Variants in TBL1XR1 observed in about 807,000 individuals in gnomAD.
TBL1XR1 encodes the protein F-box-like/WD repeat-containing protein TBL1XR1.
TBL1XR1 carries 5 observed loss-of-function variants against 66.9 expected under a neutral mutation model. The observed-to-expected ratio is 0.07, with a 90% CI of 0.04 to 0.16. The LOEUF is 0.16. Among genes scored for constraint, TBL1XR1 ranks in the 10% least tolerant of loss-of-function variants. The probability of loss-of-function intolerance (pLI) is 1.00; values close to 1 mark genes in which losing one functional copy is unlikely to be tolerated. For missense variants in TBL1XR1, 238 were observed against 623.2 expected, an observed-to-expected ratio of 0.38 and a Z score of 6.58; for synonymous variants, 210 against 206.0, an observed-to-expected ratio of 1.02 and a Z score of -0.17.
intron 1 of TBL1XR1, among the ~76,000 whole-genome samples, chr3:177,151,718 A>G (rs1369482912): frequency 6.6e-6 from 1 of 152,166 alleles, no homozygotes; most frequent in Non-Finnish European, 1.5e-5. Flanking sequence ...ATATCAGACT[A>G]ATTTTTCATC....
chr3:177,176,209 T>G (rs958881543), intron 1 of TBL1XR1, among the ~76,000 whole-genome samples: 17 of 152,042 alleles, frequency 1.1e-4, no homozygotes, highest in African/African-American at 4.1e-4. Context: ...TGTTTTTTGT[T>G]TTTGAGATGG....
intron 2 of TBL1XR1, among the ~76,000 whole-genome samples, chr3:177,094,035 C>T (rs1338800111): frequency 6.6e-6 from 1 of 152,062 alleles, no homozygotes; most frequent in African/African-American, 2.4e-5. Context: ...GCAGAGTAAA[C>T]AGACAACCCA....
rs1361839791 is a variant in TBL1XR1 at position 177,047,294 on chromosome 3, T to C, written c.864+6A>G. The C allele has an allele frequency of 6.4e-7, 1 of 1,552,978 alleles. No homozygotes were observed. The highest frequency in any genetic ancestry group is 1.2e-5 in the South Asian group (1 of 83,682). On this transcript the variant is annotated splice_donor_region_variant and intron_variant, in intron 9 of 15. Transcript: ENST00000457928. Reference sequence around the variant, plus strand: ...TTTGCCTTTACAGAACTTAATGAGCTTTTACCTTGTCTACTCCAGCACTTA... The same window carrying C: ...TTTGCCTTTACAGAACTTAATGAGCCTTTACCTTGTCTACTCCAGCACTTA...
At chr3:177,147,629 G>A (rs1413251975) in intron 1 of TBL1XR1, among the ~76,000 whole-genome samples, 1 of 152,172 alleles carries the variant, frequency 6.6e-6, no homozygotes, top group Non-Finnish European at 1.5e-5. Context: ...TCTAGCAAAA[G>A]AAATAGTCTT....
At chr3:177,053,647 G>C (rs1019416781) in intron 4 of TBL1XR1, 126 bp downstream of exon 4, 1 of 892,354 alleles carries the variant, frequency 1.1e-6, no homozygotes, top group Non-Finnish European at 1.7e-6. Context: ...CATTAGGGAT[G>C]AACTGCCTGC....
intron 4 of TBL1XR1, among the ~76,000 whole-genome samples, chr3:177,052,876 G>A (rs1316022998): frequency 6.6e-6 from 1 of 152,158 alleles, no homozygotes; most frequent in East Asian, 1.9e-4. Context: ...GGCCGAGGTG[G>A]GCAGATTACC....
chr3:177,068,737 G>A (rs1027017511), intron 2 of TBL1XR1, among the ~76,000 whole-genome samples: 1 of 152,068 alleles, frequency 6.6e-6, no homozygotes, highest in African/African-American at 2.4e-5. Flanking sequence ...CTTGAAGCCA[G>A]GGCCCAACTG....
intron 1 of TBL1XR1, among the ~76,000 whole-genome samples, chr3:177,136,792 A>T (rs2108805732): frequency 6.6e-6 from 1 of 152,252 alleles, no homozygotes; most frequent in East Asian, 1.9e-4. Context: ...AGAAAAAATG[A>T]ACTGGCTGGT....
chr3:177,046,213 A>T (rs1211978879), intron 9 of TBL1XR1, 24 bp from the exon 10 acceptor site: 12 of 1,519,300 alleles, frequency 7.9e-6, no homozygotes, highest in Non-Finnish European at 1.1e-5. Context: ...GAAAAGAAAA[A>T]TAAACTCATG....
chr3:177,193,726 T>C (rs934377435), intron 1 of TBL1XR1, among the ~76,000 whole-genome samples: 1 of 152,220 alleles, frequency 6.6e-6, no homozygotes, highest in Middle Eastern at 3.4e-3. Flanking sequence ...CTATAGATCA[T>C]AAACTTGATT....
chr3:177,061,828 C>T (rs1028752327), intron 3 of TBL1XR1, among the ~76,000 whole-genome samples: 1 of 152,054 alleles, frequency 6.6e-6, no homozygotes, highest in Non-Finnish European at 1.5e-5. Flanking sequence ...CCAAAACAAC[C>T]CAGACATTAC....
intron 10 of TBL1XR1, among the ~76,000 whole-genome samples, chr3:177,045,640 T>C (rs1178596068): frequency 6.6e-6 from 1 of 152,122 alleles, no homozygotes; most frequent in Non-Finnish European, 1.5e-5. Context: ...GGTACCTGGA[T>C]CCAAAATGAG....
intron 1 of TBL1XR1, chr3:177,171,443 C>A (rs919554227): frequency 1.3e-5 from 2 of 152,296 alleles, no homozygotes; most frequent in African/African-American, 4.8e-5. Context: ...CACCTGTAAT[C>A]CTAGCACTCT....
chr3:177,114,569 G>A (rs1726064819), intron 1 of TBL1XR1, among the ~76,000 whole-genome samples: 1 of 151,906 alleles, frequency 6.6e-6, no homozygotes, highest in East Asian at 1.9e-4. Flanking sequence ...CTGAAGTGCT[G>A]GGATTACGGC....
chr3:177,034,511 T>A (rs1212246329), intron 12 of TBL1XR1, among the ~76,000 whole-genome samples, 186 bp from the exon 13 acceptor site: 2 of 150,068 alleles, frequency 1.3e-5, no homozygotes, highest in East Asian at 3.9e-4. Flanking sequence ...CATCTCTGTT[T>A]AAAAAAAAAA....
At chr3:177,100,139 TG>T in intron 1 of TBL1XR1, among the ~76,000 whole-genome samples, 1 of 152,074 alleles carries the variant, frequency 6.6e-6, no homozygotes, top group South Asian at 2.1e-4. Flanking sequence ...CTCGGGAGCC[TG>T]GGGCACGAGG....
At chr3:177,060,626 C>T (rs979241880) in intron 3 of TBL1XR1, among the ~76,000 whole-genome samples, 1 of 152,144 alleles carries the variant, frequency 6.6e-6, no homozygotes, top group African/African-American at 2.4e-5. Flanking sequence ...TCAGAAAGTT[C>T]AAAAATAACT....
At chr3:177,132,021 T>C (rs1017035958) in intron 1 of TBL1XR1, among the ~76,000 whole-genome samples, 7 of 152,168 alleles carry the variant, frequency 4.6e-5, no homozygotes, top group African/African-American at 1.7e-4. Flanking sequence ...CACTGATACC[T>C]GGTCAAAGTA....
intron 1 of TBL1XR1, among the ~76,000 whole-genome samples, chr3:177,186,700 T>C (rs568908525): frequency 6.6e-6 from 1 of 152,206 alleles, no homozygotes. Context: ...GTCACATACT[T>C]TCCAGACTAT....
Sources: gnomAD v4.1 joint callset for allele counts (sites outside exome capture counted in the v4.1 genomes callset) on GRCh38, gnomAD v4.1.1 for gene constraint, MANE v1.5 for transcripts, NCBI Gene and HGNC (gene_info 2026-07-23, HGNC 2026-07-21) for gene names.